AHSA1: variants seen among roughly 807,000 people sequenced by gnomAD.
The protein encoded by AHSA1 is activator of HSP90 ATPase activity 1, also known as activator of 90 kDa heat shock protein ATPase homolog 1.
In AHSA1, 14 loss-of-function variants were observed where a neutral mutation model predicts 46.1. The ratio of observed to expected loss-of-function variants is 0.30; its 90% CI spans 0.20 to 0.47. AHSA1 has a LOEUF of 0.47. Among genes scored for constraint, AHSA1 ranks in the 20% least tolerant of loss-of-function variants. The pLI is 0.99. For missense variants in AHSA1, 333 were observed against 415.9 expected (o/e 0.80, Z 1.73); for synonymous variants, 147 against 145.8 (o/e 1.01, Z -0.06).
rs1309163891 is a variant in AHSA1 at position 77,469,160 on chromosome 14, C to T, written c.928C>T (p.Pro310Ser). 13 of 1,614,220 alleles carry T rather than the reference C, an allele frequency of 8.1e-6. No individual in the cohort carries two copies. Among genetic ancestry groups the T allele is most frequent in the Non-Finnish European group, 1.1e-5 (13 of 1,180,044 alleles). Reference protein sequence around the residue: ...LCMEGRGIPAPEEERTRQGWQ... With the variant: ...LCMEGRGIPASEEERTRQGWQ... ...CATGGAAGGTCGAGGCATCCCTGCT[C>T]CTGAGGAAGAGCGGACGCGACAGGG... is the stretch of plus-strand genomic sequence containing the variant. Residue 310 changes from proline (P) to serine (S), a missense_variant, in exon 9 of 9, where the codon CCT becomes TCT. Transcript: ENST00000216479.
chr14:77,462,507 G>C (rs1272195315), intron 3 of AHSA1, 135 bp from the exon 4 acceptor site: 2 of 856,738 alleles, frequency 2.3e-6, no homozygotes, highest in Non-Finnish European at 3.9e-6. Flanking sequence ...AACACTAATG[G>C]GGATTGTACG....
chr14:77,468,755 C>CTTTTTTTTTTTTTTTTTTTTTTTTTTTT (rs770728219), intron 8 of AHSA1: 3 of 313,408 alleles, frequency 9.6e-6, no homozygotes, highest in African/African-American at 7.0e-5. Context: ...TACTTTTTTA[C>CTTTTTTTTTTTTTTTTTTTTTTTTTTTT]TTTTTTTGTA....
chr14:77,458,045 G>C (rs964086246), upstream of AHSA1: 4 of 610,988 alleles, frequency 6.5e-6, no homozygotes, highest in East Asian at 3.4e-5. Flanking sequence ...TTAAGGAGGG[G>C]AGGGGGTGGA....
chr14:77,461,907 C>T (rs954612081), intron 2 of AHSA1, among the ~76,000 whole-genome samples: 1 of 152,252 alleles, frequency 6.6e-6, no homozygotes, highest in African/African-American at 2.4e-5. Flanking sequence ...CATGGTATAA[C>T]TCATGCTAGT....
At chr14:77,459,455 A>G (rs753712611) in intron 1 of AHSA1, among the ~76,000 whole-genome samples, 161 bp from the exon 2 acceptor site, 4 of 152,146 alleles carry the variant, frequency 2.6e-5, no homozygotes, top group Non-Finnish European at 4.4e-5. Context: ...TTGTCTTCCT[A>G]AAAAAGAATG....
At chr14:77,460,252 T>C in intron 2 of AHSA1, 1 of 206,524 alleles carries the variant, frequency 4.8e-6, no homozygotes, top group South Asian at 7.6e-5. Flanking sequence ...GTTTTATCTA[T>C]CTTCTAGTTT....
Position 77,463,590 on chromosome 14 carries a change from AAAAAAAAAAC to A in AHSA1, c.472+841_472+850del, listed in dbSNP as rs796377592. Reference sequence around the variant, plus strand: ...GACAGAGGGAGACTCCATCTCAAAAAAAAAAAAAACAAAAAAAAAACTGTATTTGAGGCTC... The same window carrying A: ...GACAGAGGGAGACTCCATCTCAAAAAAAAAAAAAAACTGTATTTGAGGCTC... On this transcript the variant is annotated intron_variant, in intron 4 of 8. Coordinates refer to ENST00000216479, the MANE Select transcript of AHSA1 (RefSeq NM_012111.3). 2.0e-3 allele frequency among the ~76,000 whole-genome samples: 227 copies of A among 112,916 alleles called. 1 individual carries two copies. The highest frequency in any genetic ancestry group is 8.1e-3 in the East Asian group (10 of 1,232). The allele number at this position is 112,916 out of a possible 152,430, so 74.1% of individuals were successfully genotyped here. A position where few individuals can be genotyped will look rare whatever the true frequency, so the allele number is the denominator to read the frequency against.
chr14:77,460,900 C>A (rs997605221), intron 2 of AHSA1, among the ~76,000 whole-genome samples: 4 of 152,094 alleles, frequency 2.6e-5, no homozygotes, highest in Admixed American at 2.0e-4. Context: ...TGGCTAACGC[C>A]TGTAATCCCA....
At chr14:77,466,675 A>G (rs1275848008) in intron 6 of AHSA1, among the ~76,000 whole-genome samples, 1 of 152,256 alleles carries the variant, frequency 6.6e-6, no homozygotes, top group Non-Finnish European at 1.5e-5. Flanking sequence ...AATTAAATGG[A>G]CTGGGTTTTC....
intron 2 of AHSA1, among the ~76,000 whole-genome samples, chr14:77,461,029 T>G (rs552748188): frequency 6.2e-4 from 94 of 151,504 alleles, no homozygotes; most frequent in African/African-American, 1.6e-3. Context: ...CGTGGTGGCA[T>G]GTGCCTGTAG....
At chr14:77,458,063 G>T, upstream of AHSA1, 1 of 770,726 alleles carries the variant, frequency 1.3e-6, no homozygotes, top group Non-Finnish European at 1.9e-6. Flanking sequence ...GGAGGGAAAA[G>T]CAAGCCAGGA....
intron 4 of AHSA1, among the ~76,000 whole-genome samples, 173 bp from the exon 5 acceptor site, chr14:77,464,425 A>G (rs2079039340): frequency 6.6e-6 from 1 of 152,192 alleles, no homozygotes; most frequent in African/African-American, 2.4e-5. Context: ...TATAGCATAT[A>G]CCCAGGTACC....
At chr14:77,466,624 A>T (rs76823144) in intron 6 of AHSA1, among the ~76,000 whole-genome samples, 8,661 of 152,344 alleles carry the variant, frequency 0.057, 431 homozygotes, top group Admixed American at 0.16. Flanking sequence ...TACTCTCGTG[A>T]TAAGTTCTCT....
At position 77,465,679 on chromosome 14, in the gene AHSA1, T is replaced by C. The variant is rs761087911; in HGVS notation, c.690+12T>C. On this transcript the variant is annotated intron_variant, in intron 6 of 8. Coordinates refer to ENST00000216479, the MANE Select transcript of AHSA1 (RefSeq NM_012111.3). ...TTACCACCCAAGAGGTAAGTAAGTCTTGTCCTTCAGGCCTCATGCCATCTG... is the reference window on the plus strand; with the variant it reads ...TTACCACCCAAGAGGTAAGTAAGTCCTGTCCTTCAGGCCTCATGCCATCTG... 6.2e-6 allele frequency: 10 copies of C among 1,612,508 alleles called. No individual in the cohort carries two copies. The Admixed American group carries it at 6.7e-5, about 11-fold the overall frequency.
chr14:77,468,721 C>CTTTTTTTTTTTTTTTT (rs572116649), intron 8 of AHSA1: 41 of 224,428 alleles, frequency 1.8e-4, no homozygotes, highest in Admixed American at 4.5e-4. Flanking sequence ...ACCATGCCAG[C>CTTTTTTTTTTTTTTTT]TTTTTTTTTT....
intron 2 of AHSA1, among the ~76,000 whole-genome samples, chr14:77,460,458 A>T (rs2079016756): frequency 6.6e-6 from 1 of 151,530 alleles, no homozygotes; most frequent in Non-Finnish European, 1.5e-5. Context: ...GTCATATCAT[A>T]AAGAAGGGTG....
At chr14:77,464,443 CA>C in intron 4 of AHSA1, 154 bp from the exon 5 acceptor site, 1 of 646,122 alleles carries the variant, frequency 1.5e-6, no homozygotes, top group Non-Finnish European at 2.7e-6. Context: ...ACCAGTCTGG[CA>C]TAGGCCAAAA....
At position 77,469,146 on chromosome 14, in the gene AHSA1, G is replaced by A. The variant is rs923918665; in HGVS notation, c.914G>A (p.Arg305Gln). The A allele has an allele frequency of 1.9e-6, 3 of 1,614,170 alleles. No homozygotes were observed. The highest frequency in any genetic ancestry group is 2.5e-6 in the Non-Finnish European group (3 of 1,180,034). The change falls in exon 9 of 9, where the codon CGA (arginine) becomes CAA (glutamine). Residue 305 changes from arginine (R) to glutamine (Q), a missense_variant. By Grantham distance (43) the Arg-to-Gln change is conservative (BLOSUM62 1). Coordinates refer to ENST00000216479, the MANE Select transcript of AHSA1 (RefSeq NM_012111.3). Reference protein sequence around the residue: ...NGETELCMEGRGIPAPEEERT... With the variant: ...NGETELCMEGQGIPAPEEERT... The stretch of plus-strand genomic sequence containing the variant: ...GAGACTGAGCTGTGCATGGAAGGTC[G>A]AGGCATCCCTGCTCCTGAGGAAGAG...
intron 4 of AHSA1, chr14:77,463,194 G>C (rs1247754508): frequency 5.0e-6 from 1 of 199,604 alleles, no homozygotes; most frequent in Non-Finnish European, 1.0e-5. Flanking sequence ...GTGGGAGAGT[G>C]GCTTGAGCCC....
Sources: gnomAD v4.1 joint callset for allele counts (sites outside exome capture counted in the v4.1 genomes callset) on GRCh38, gnomAD v4.1.1 for gene constraint, MANE v1.5 for transcripts, NCBI Gene and HGNC (gene_info 2026-07-23, HGNC 2026-07-21) for gene names.